The following TMEM126B variants were observed in gnomAD, a reference collection of about 807,000 sequenced individuals.
TMEM126B encodes transmembrane protein 126B, also known as complex I assembly factor TMEM126B, mitochondrial.
Under a neutral mutation model 16.5 loss-of-function variants are expected in TMEM126B, and 19 were observed. That is an observed-to-expected ratio of 1.15 (90% CI 0.80 to 1.69). The LOEUF (loss-of-function observed/expected upper bound fraction) is 1.69, where lower values mean the gene tolerates loss of function less well. TMEM126B is among the 40% of genes most tolerant of loss of function. TMEM126B has a pLI of 0.00. For synonymous variants in TMEM126B, 104 were observed against 93.2 expected (o/e 1.12, Z -0.67); for missense variants, 293 against 278.7 (o/e 1.05, Z -0.37).
In TMEM126B at chr11:85,635,776, C is replaced by A. The variant is rs777439268; in HGVS notation, c.507C>A (p.Thr169=). Residue 169 remains threonine, a splice_region_variant and synonymous_variant, in exon 4 of 5, where the codon ACC becomes ACA. Transcript: ENST00000358867. ...TTACTAAAAATGGACGCCTGGCAAC[C>A]AAGTAAGTTCTTCCTTTTCCTTCTT... ...LAFTKNGRLA[T]KYHTVPLPPK... is the part of the protein sequence containing the mutation. The A allele has an allele frequency of 1.9e-6, 3 of 1,553,808 alleles. No homozygotes were observed. Among genetic ancestry groups the A allele is most frequent in the Non-Finnish European group, 2.6e-6 (3 of 1,153,462 alleles).
In TMEM126B at chr11:85,628,594, C is replaced by T. The variant is rs577525231; in HGVS notation, c.-14C>T. ...TGGGTCCCCGCCCACCGGCAAGTCA[C>T]ATGAGCCACCAAAATGGTGGTGTTC... On this transcript the variant is annotated 5_prime_UTR_variant, in exon 1 of 5. Coordinates refer to ENST00000358867, the MANE Select transcript of TMEM126B (RefSeq NM_018480.7). 1.3e-4 allele frequency: 202 copies of T among 1,527,960 alleles called. No homozygotes were observed. In the African/African-American group the frequency reaches 2.7e-3, roughly 20 times the overall value. 94.7% of individuals were successfully genotyped at this position (1,527,960 alleles called of 1,614,324 possible).
At chr11:85,629,370 C>A in intron 1 of TMEM126B, 1 of 642,922 alleles carries the variant, frequency 1.6e-6, no homozygotes, top group Non-Finnish European at 2.4e-6. Flanking sequence ...CATAAATGCA[C>A]TCTTACTGGT....
chr11:85,631,987 A>G (rs1019225189), intron 2 of TMEM126B, among the ~76,000 whole-genome samples, 179 bp downstream of exon 2: 3 of 152,178 alleles, frequency 2.0e-5, no homozygotes. Flanking sequence ...ACAGATGAAA[A>G]TGGTGGTTTG....
chr11:85,629,875 T>C (rs1470891248), intron 1 of TMEM126B, among the ~76,000 whole-genome samples: 2 of 152,198 alleles, frequency 1.3e-5, no homozygotes, highest in African/African-American at 4.8e-5. Flanking sequence ...TTACCTTTTT[T>C]TCCCCCTGCC....
rs1591450641 is a variant in TMEM126B, at chr11:85,631,766, TAGAA to T, written c.163_166del (p.Glu55SerfsTer2). 1 of 1,612,824 alleles carries T rather than the reference TAGAA, an allele frequency of 6.2e-7. No homozygotes were observed. Reference sequence around the variant, plus strand: ...GCAAAACTCAGAAGACCAATGGTCATAGAAATCATAGAAAAAAATTTTGACTATC... The same window carrying T: ...GCAAAACTCAGAAGACCAATGGTCATATCATAGAAAAAAATTTTGACTATC... On this transcript the variant is annotated frameshift_variant, in exon 2 of 5. Transcript: ENST00000358867. LOFTEE classifies it high-confidence loss of function.
intron 2 of TMEM126B, among the ~76,000 whole-genome samples, chr11:85,632,337 A>G (rs1436732312): frequency 1.3e-5 from 2 of 152,120 alleles, no homozygotes; most frequent in Non-Finnish European, 2.9e-5. Flanking sequence ...TCCAGCTCCC[A>G]GGTTCAAGTG....
intron 3 of TMEM126B, 35 bp downstream of exon 3, chr11:85,634,314 T>C: frequency 1.3e-6 from 2 of 1,507,772 alleles, no homozygotes; most frequent in East Asian, 2.3e-5. Flanking sequence ...AACGTAGTTA[T>C]GTCTAAGTAA....
At chr11:85,633,238 T>C (rs2082337811) in intron 2 of TMEM126B, among the ~76,000 whole-genome samples, 2 of 152,228 alleles carry the variant, frequency 1.3e-5, no homozygotes, top group East Asian at 3.8e-4. Flanking sequence ...GTCTTTGCTA[T>C]TGTGAATAGT....
chr11:85,631,343 C>T, intron 1 of TMEM126B: 1 of 1,184,954 alleles, frequency 8.4e-7, no homozygotes, highest in South Asian at 1.6e-5. Context: ...CACTAAATCT[C>T]AAGCAAGCCA....
intron 1 of TMEM126B, chr11:85,631,106 AT>A: frequency 7.8e-7 from 1 of 1,276,064 alleles, no homozygotes; most frequent in South Asian, 1.2e-5. Context: ...CTCTCTCACT[AT>A]TCTCCAAGGC....
In TMEM126B at chr11:85,636,147, A is replaced by G. The variant is rs779439481; in HGVS notation, c.611A>G (p.Gln204Arg). 1.9e-6 allele frequency: 3 copies of G among 1,612,128 alleles called. No individual in the cohort carries two copies. In the South Asian group the frequency reaches 3.3e-5, roughly 18 times the overall value. The change falls in exon 5 of 5, where the codon CAG becomes CGG. Residue 204 changes from glutamine (Q) to arginine (R), a missense_variant. By Grantham distance (43) the Gln-to-Arg change is conservative (BLOSUM62 1). Coordinates refer to ENST00000358867, the MANE Select transcript of TMEM126B (RefSeq NM_018480.7). ...MKLMAIPLVF[Q>R]IMFGILNGLY... The stretch of plus-strand genomic sequence containing the variant: ...TTAATGGCGATTCCTCTAGTCTTTC[A>G]GATTATGTTTGGAATATTAAATGGT...
chr11:85,629,187 A>G (rs2082187706), intron 1 of TMEM126B: 1 of 1,283,730 alleles, frequency 7.8e-7, no homozygotes, highest in Non-Finnish European at 1.0e-6. Flanking sequence ...GGATGACTGT[A>G]TCTTGATTAC....
chr11:85,628,718 G>T (rs979433004), intron 1 of TMEM126B, 30 bp downstream of exon 1: 5 of 1,522,236 alleles, frequency 3.3e-6, no homozygotes, highest in African/African-American at 1.5e-5. Context: ...GGTATGGGGG[G>T]TGATTTCTGC....
chr11:85,635,506 T>C (rs1017435410), intron 3 of TMEM126B, among the ~76,000 whole-genome samples, 161 bp from the exon 4 acceptor site: 9 of 152,366 alleles, frequency 5.9e-5, no homozygotes, highest in Non-Finnish European at 1.2e-4. Context: ...TAAAATGTGC[T>C]GCATTTGGCC....
At position 85,635,681 on chromosome 11, in the gene TMEM126B, G is replaced by A. The variant is rs918262592; in HGVS notation, c.412G>A (p.Glu138Lys). ...TTGTTTTCCAGATAATATAAGCAAG[G>A]AAAACTGTGTTTTCAGAAGCTCACT... ...DALYSDNISK[E>K]NCVFRSSLIG... Residue 138 changes from glutamate (E) to lysine (K), a missense_variant, in exon 4 of 5, where the codon GAA (glutamate) becomes AAA (lysine). Coordinates refer to ENST00000358867, the MANE Select transcript of TMEM126B (RefSeq NM_018480.7). The A allele has an allele frequency of 1.6e-5, 26 of 1,604,170 alleles. No individual in the cohort carries two copies. Among genetic ancestry groups the A allele is most frequent in the Non-Finnish European group, 1.7e-5 (20 of 1,177,730 alleles).
chr11:85,634,993 C>G (rs929437268), intron 3 of TMEM126B: 2 of 152,152 alleles, frequency 1.3e-5, no homozygotes, highest in African/African-American at 4.8e-5. Flanking sequence ...GTAAACTGGC[C>G]AGAAGGTCAG....
intron 1 of TMEM126B, among the ~76,000 whole-genome samples, chr11:85,629,483 C>A (rs1378915680): frequency 6.6e-6 from 1 of 152,146 alleles, no homozygotes; most frequent in East Asian, 1.9e-4. Flanking sequence ...TCAAATATTT[C>A]CTGTGTTCTT....
At chr11:85,631,608 C>A in intron 1 of TMEM126B, 79 bp from the exon 2 acceptor site, 1 of 1,483,498 alleles carries the variant, frequency 6.7e-7, no homozygotes. Flanking sequence ...GTTTTCAAAT[C>A]TGAATCTGTA....
chr11:85,628,646 G>T lies in TMEM126B; in HGVS notation c.39G>T (p.Arg13Ser), dbSNP rs2082142359. 2 of 1,536,196 alleles carry T rather than the reference G, an allele frequency of 1.3e-6. No individual in the cohort carries two copies. The highest frequency in any genetic ancestry group is 4.9e-5 in the East Asian group (2 of 40,918). Residue 13 changes from arginine (R) to serine (S), a missense_variant, in exon 1 of 5, where the codon AGG becomes AGT. Transcript: ENST00000358867. Reference sequence around the variant, plus strand: ...GGTATGAGGCTGGGACTAAGCCAAGGGATTCAGGTGTGGTGCCGGTGGGAA... The same window carrying T: ...GGTATGAGGCTGGGACTAAGCCAAGTGATTCAGGTGTGGTGCCGGTGGGAA... ...VFGYEAGTKPRDSGVVPVGTE... is the reference protein window; with the variant it reads ...VFGYEAGTKPSDSGVVPVGTE...
Sources: allele counts gnomAD v4.1 joint callset (sites outside exome capture counted in the v4.1 genomes callset), GRCh38; gene constraint gnomAD v4.1.1; transcripts MANE v1.5; gene names NCBI Gene and HGNC (gene_info 2026-07-23, HGNC 2026-07-21).